GABRA6: variants seen among roughly 807,000 people sequenced by gnomAD.
The protein encoded by GABRA6 is gamma-aminobutyric acid receptor subunit alpha-6.
A neutral mutation model predicts 47.3 loss-of-function variants in GABRA6; 45 were observed. That is an observed-to-expected ratio of 0.95 (90% CI 0.75 to 1.22). The LOEUF is 1.22. GABRA6 is among the 50% of genes most tolerant of loss of function. GABRA6 has a pLI of 0.00. For synonymous variants in GABRA6, 219 were observed against 194.7 expected (o/e 1.12, Z -1.04); for missense variants, 583 against 549.3 (o/e 1.06, Z -0.61).
At chr5:161,700,875 G>A (rs1047447603) in intron 8 of GABRA6, among the ~76,000 whole-genome samples, 3 of 152,158 alleles carry the variant, frequency 2.0e-5, no homozygotes, top group Non-Finnish European at 1.5e-5. Context: ...ATATTTCAAG[G>A]TATGAACAGT....
At chr5:161,690,111 T>C in intron 6 of GABRA6, 90 bp from the exon 7 acceptor site, 6 of 1,232,828 alleles carry the variant, frequency 4.9e-6, no homozygotes, top group Non-Finnish European at 7.2e-6. Flanking sequence ...CAGTCAATGT[T>C]AATTTAAAAG....
intron 8 of GABRA6, 82 bp from the exon 9 acceptor site, chr5:161,701,416 C>G: frequency 7.0e-7 from 1 of 1,434,712 alleles, no homozygotes; most frequent in Non-Finnish European, 9.7e-7. Flanking sequence ...AAATATTTGT[C>G]AATGGTGAAA....
intron 8 of GABRA6, among the ~76,000 whole-genome samples, chr5:161,701,178 G>A (rs1055357390): frequency 1.3e-5 from 2 of 152,048 alleles, no homozygotes; most frequent in African/African-American, 4.8e-5. Context: ...GAGTGGCTAG[G>A]CCTCTGCAAC....
chr5:161,688,843 A>AGTTG (rs1239983522), intron 3 of GABRA6, 106 bp from the exon 4 acceptor site: 1 of 881,850 alleles, frequency 1.1e-6, no homozygotes, highest in African/African-American at 1.7e-5. Context: ...TGCGATAAAA[A>AGTTG]GTTGCTTTAT....
Position 161,693,180 on chromosome 5 carries a change from A to G in GABRA6, c.1086+980A>G, listed in dbSNP as rs760202731. Among the ~76,000 whole-genome samples the G allele has an allele frequency of 2.0e-3, 307 of 152,292 alleles. 3 individuals carry two copies. Among genetic ancestry groups the G allele is most frequent in the African/African-American group, 7.0e-3 (289 of 41,576 alleles). On this transcript the variant is annotated intron_variant, in intron 8 of 8. Transcript: ENST00000274545. ...GTAATCCTCAGTTTAACTTTATGAT[A>G]AAAGTTTTAAAGCGATTTGTTTTTT... is the stretch of plus-strand genomic sequence containing the variant.
At chr5:161,693,953 T>C (rs1754846118) in intron 8 of GABRA6, among the ~76,000 whole-genome samples, 1 of 152,132 alleles carries the variant, frequency 6.6e-6, no homozygotes, top group African/African-American at 2.4e-5. Flanking sequence ...GGATAAAACA[T>C]TTTAAGAAAG....
chr5:161,700,556 T>G (rs1372139549), intron 8 of GABRA6, among the ~76,000 whole-genome samples: 1 of 152,168 alleles, frequency 6.6e-6, no homozygotes, highest in Non-Finnish European at 1.5e-5. Context: ...AATGTTGGAA[T>G]GAAACAGGCA....
chr5:161,692,178 C>T lies in GABRA6; in HGVS notation c.1064C>T (p.Pro355Leu), dbSNP rs376973590. ...PTVTISKATE[P>L]LEAEIVLHPD... ...GTGACAATATCAAAAGCTACTGAACCTTTGGAAGCTGAGATTGTTTTGGTA... is the reference window on the plus strand; with the variant it reads ...GTGACAATATCAAAAGCTACTGAACTTTTGGAAGCTGAGATTGTTTTGGTA... The change falls in exon 8 of 9, where the codon CCT (proline) becomes CTT (leucine). Residue 355 changes from proline to leucine, a missense_variant. Transcript: ENST00000274545. 2.5e-6 allele frequency: 4 copies of T among 1,614,046 alleles called. No individual in the cohort carries two copies. Among genetic ancestry groups the T allele is most frequent in the African/African-American group, 1.3e-5 (1 of 74,914 alleles).
At chr5:161,700,784 A>G (rs1754964647) in intron 8 of GABRA6, among the ~76,000 whole-genome samples, 1 of 152,312 alleles carries the variant, frequency 6.6e-6, no homozygotes, top group East Asian at 1.9e-4. Flanking sequence ...TAGTGACTGA[A>G]GATAGAGAAA....
At chr5:161,691,405 C>T (rs932756391) in intron 7 of GABRA6, among the ~76,000 whole-genome samples, 1 of 148,052 alleles carries the variant, frequency 6.8e-6, no homozygotes, top group East Asian at 2.1e-4. Flanking sequence ...ACGCCATTCT[C>T]CTGCCTCAGC....
At chr5:161,691,227 T>C (rs1322730943) in intron 7 of GABRA6, among the ~76,000 whole-genome samples, 1 of 151,416 alleles carries the variant, frequency 6.6e-6, no homozygotes, top group African/African-American at 2.4e-5. Context: ...TTATTAACTA[T>C]CATTTAATAT....
chr5:161,685,734 T>C lies in GABRA6; in HGVS notation c.-256T>C. The C allele has an allele frequency of 1.8e-6, 1 of 570,160 alleles. No homozygotes were observed. 35.3% of individuals were successfully genotyped at this position (570,160 alleles called of 1,614,324 possible). On this transcript the variant is annotated 5_prime_UTR_variant, in exon 1 of 9. Coordinates refer to ENST00000274545, the MANE Select transcript of GABRA6 (RefSeq NM_000811.3). Reference sequence around the variant, plus strand: ...CCCAACTGAGTCAGTCAGAGGAGCCTGGGTGTCTGCAGGACATAATCTAAG... The same window carrying C: ...CCCAACTGAGTCAGTCAGAGGAGCCCGGGTGTCTGCAGGACATAATCTAAG...
Position 161,685,796 on chromosome 5 carries a change from A to G in GABRA6, c.-194A>G. On this transcript the variant is annotated 5_prime_UTR_variant, in exon 1 of 9. Coordinates refer to ENST00000274545, the MANE Select transcript of GABRA6 (RefSeq NM_000811.3). ...CCTTGTTCCACGTGAGAAGGAAACAAGAAAGAAGGGAGCCAGGGGAATCCT... is the reference window on the plus strand; with the variant it reads ...CCTTGTTCCACGTGAGAAGGAAACAGGAAAGAAGGGAGCCAGGGGAATCCT... 1 of 632,170 alleles carries G rather than the reference A, an allele frequency of 1.6e-6. No homozygotes were observed. Among genetic ancestry groups the G allele is most frequent in the Non-Finnish European group, 2.8e-6 (1 of 352,064 alleles). The allele number at this position is 632,170 out of a possible 1,614,324, so 39.2% of individuals were successfully genotyped here.
In GABRA6 at chr5:161,689,041, G is replaced by C. The variant is rs1208616228; in HGVS notation, c.318G>C (p.Leu106Phe). The C allele has an allele frequency of 1.2e-6, 2 of 1,613,922 alleles. No homozygotes were observed. Among genetic ancestry groups the C allele is most frequent in the East Asian group, 4.5e-5 (2 of 44,884 alleles). Residue 106 changes from leucine (L) to phenylalanine (F), a missense_variant, in exon 4 of 9, where the codon TTG (leucine) becomes TTC (phenylalanine). Coordinates refer to ENST00000274545, the MANE Select transcript of GABRA6 (RefSeq NM_000811.3). ...GPTEILSLNN[L>F]MVSKIWTPDT... ...CTGAGATTCTGAGTCTGAATAATTTGATGGTCAGTAAAATCTGGACGCCTG... is the reference window on the plus strand; with the variant it reads ...CTGAGATTCTGAGTCTGAATAATTTCATGGTCAGTAAAATCTGGACGCCTG...
chr5:161,702,535 A>T lies in GABRA6; in HGVS notation c.*762A>T, dbSNP rs1581126778. On this transcript the variant is annotated 3_prime_UTR_variant, in exon 9 of 9. Coordinates refer to ENST00000274545, the MANE Select transcript of GABRA6 (RefSeq NM_000811.3). The stretch of plus-strand genomic sequence containing the variant: ...AGCCTTGTATATTATGACTATGGTT[A>T]TCTCTTGTGTTTTCCACATTTCCAA... 1 of 152,188 alleles carries T rather than the reference A, an allele frequency of 6.6e-6. No homozygotes were observed. Among genetic ancestry groups the T allele is most frequent in the African/African-American group, 2.4e-5 (1 of 41,442 alleles). The allele number at this position is 152,188 out of a possible 1,614,324, so 9.4% of individuals were successfully genotyped here. A position where few individuals can be genotyped will look rare whatever the true frequency, so the allele number is the denominator to read the frequency against.
chr5:161,686,006 C>T lies in GABRA6; in HGVS notation c.17C>T (p.Pro6Leu), dbSNP rs778034380. 5.0e-6 allele frequency: 8 copies of T among 1,613,850 alleles called. No individual in the cohort carries two copies. The South Asian group carries it at 6.6e-5, about 13-fold the overall frequency. The change falls in exon 1 of 9, where the codon CCC (proline) becomes CTC (leucine). Residue 6 changes from proline to leucine, a missense_variant. Pro to Leu is a moderately conservative substitution (Grantham distance 98). Coordinates refer to ENST00000274545, the MANE Select transcript of GABRA6 (RefSeq NM_000811.3). ...CACTGCAGGATGGCGTCGTCTCTGC[C>T]CTGGCTGTGCATTATTCTGTGGTGA... MASSLPWLCIILWLEN... is the reference protein window; with the variant it reads MASSLLWLCIILWLEN...
intron 7 of GABRA6, among the ~76,000 whole-genome samples, chr5:161,690,586 A>G (rs1363099336): frequency 6.6e-6 from 1 of 152,168 alleles, no homozygotes; most frequent in Non-Finnish European, 1.5e-5. Flanking sequence ...TATGACTTTC[A>G]TGTGTCCTAT....
Position 161,690,253 on chromosome 5 carries a change from C to G in GABRA6, c.726C>G (p.Tyr242Ter), listed in dbSNP as rs2113072134. 1.9e-6 allele frequency: 3 copies of G among 1,613,654 alleles called. No individual in the cohort carries two copies. In the East Asian group the frequency reaches 6.7e-5, roughly 36 times the overall value. The part of the protein sequence containing the change: ...VYFHLQRKMG[Y>*]FMIQIYTPCI... The stretch of plus-strand genomic sequence containing the variant: ...TCCACTTGCAAAGGAAGATGGGCTA[C>G]TTCATGATACAGATATACACTCCTT... Residue 242 changes from tyrosine to a stop codon, truncating the protein, a stop_gained, in exon 7 of 9, where the codon TAC becomes TAG. Coordinates refer to ENST00000274545, the MANE Select transcript of GABRA6 (RefSeq NM_000811.3). LOFTEE classifies it high-confidence loss of function.
At position 161,692,028 on chromosome 5, in the gene GABRA6, G is replaced by C. The variant is rs751330799; in HGVS notation, c.914G>C (p.Trp305Ser). The change falls in exon 8 of 9, where the codon TGG (tryptophan) becomes TCG (serine). Residue 305 changes from tryptophan to serine, a missense_variant. Coordinates refer to ENST00000274545, the MANE Select transcript of GABRA6 (RefSeq NM_000811.3). ...GTGTCATATGCCACTGCCATGGATTGGTTCATAGCTGTTTGCTTTGCATTC... is the reference window on the plus strand; with the variant it reads ...GTGTCATATGCCACTGCCATGGATTCGTTCATAGCTGTTTGCTTTGCATTC... The part of the protein sequence containing the change: ...PKVSYATAMD[W>S]FIAVCFAFVF... 3 of 1,614,098 alleles carry C rather than the reference G, an allele frequency of 1.9e-6. No homozygotes were observed. Among genetic ancestry groups the C allele is most frequent in the South Asian group, 2.2e-5 (2 of 91,080 alleles).
Sources: allele counts gnomAD v4.1 joint callset (sites outside exome capture counted in the v4.1 genomes callset), GRCh38; gene constraint gnomAD v4.1.1; transcripts MANE v1.5; gene names NCBI Gene and HGNC (gene_info 2026-07-23, HGNC 2026-07-21).